The following LRP1B variants were observed in gnomAD, a reference collection of about 807,000 sequenced individuals.
The protein encoded by LRP1B is LDL receptor related protein 1B.
Under a neutral mutation model 556.6 loss-of-function variants are expected in LRP1B, and 217 were observed. The observed-to-expected ratio is 0.39, with a 90% confidence interval of 0.35 to 0.44. LRP1B has a LOEUF of 0.44. LRP1B is among the 20% of genes least tolerant of loss of function. LRP1B has a pLI of 1.00. For synonymous variants in LRP1B, 2,047 were observed against 1,865.8 expected, an observed-to-expected ratio of 1.10 and a Z score of -2.50; for missense variants, 5,053 against 5,620.8, an observed-to-expected ratio of 0.90 and a Z score of 3.23.
At chr2:140,663,896 T>G (rs974067894) in intron 41 of LRP1B, among the ~76,000 whole-genome samples, 2 of 152,010 alleles carry the variant, frequency 1.3e-5, no homozygotes, top group Non-Finnish European at 2.9e-5. Context: ...CTCTTTTCTC[T>G]TCTTTTTTTA....
intron 41 of LRP1B, among the ~76,000 whole-genome samples, chr2:140,629,538 G>A (rs80315482): frequency 6.6e-6 from 1 of 152,122 alleles, no homozygotes; most frequent in African/African-American, 2.4e-5. Context: ...ATTTTAAACT[G>A]CCTGAGTCCA....
chr2:141,106,559 T>C (rs916375504), intron 7 of LRP1B, among the ~76,000 whole-genome samples: 1 of 151,822 alleles, frequency 6.6e-6, no homozygotes, highest in Admixed American at 6.6e-5. Context: ...CTGGAATGCA[T>C]GCATATCCAA....
chr2:140,506,966 T>C, intron 52 of LRP1B, 48 bp from the exon 53 acceptor site: 2 of 1,583,140 alleles, frequency 1.3e-6, no homozygotes, highest in African/African-American at 1.4e-5. Context: ...ACATATGTTA[T>C]CTTCCCCTAT....
chr2:142,037,073 C>A (rs183061873), intron 1 of LRP1B, among the ~76,000 whole-genome samples: 2 of 151,614 alleles, frequency 1.3e-5, no homozygotes, highest in African/African-American at 4.8e-5. Flanking sequence ...TGATGGGCAT[C>A]AGACCTTTTC....
chr2:140,598,780 G>C lies in LRP1B; in HGVS notation c.7045C>G (p.Leu2349Val), dbSNP rs765730231. 1.7e-5 allele frequency: 27 copies of C among 1,612,386 alleles called. No individual in the cohort carries two copies. The East Asian group carries it at 6.0e-4, about 36-fold the overall frequency. Reference protein sequence around the residue: ...EQHPSIMRSTLTGKNAQVVVS... With the variant: ...EQHPSIMRSTVTGKNAQVVVS... ...ACCACTTGAGCATTTTTCCCAGTCA[G>C]AGTAGATCTCATGATACTTGGATGT... Residue 2349 changes from leucine (L) to valine (V), a missense_variant, in exon 43 of 91, where the codon CTG becomes GTG. This residue lies in a region of LRP1B where 3,619 missense variants were observed against 3,931.9 expected (regional missense o/e 0.92). Coordinates refer to ENST00000389484, the MANE Select transcript of LRP1B (RefSeq NM_018557.3).
In LRP1B at chr2:140,503,052, A is replaced by G. The variant is rs1689264051; in HGVS notation, c.8573T>C (p.Leu2858Pro). ...ATCACACTGCCATTGAGTATTTAGA[A>G]GACACCGCCCATCAGCACAACTAAA... Reference protein sequence around the residue: ...EEFSCADGRCLLNTQWQCDGD... With the variant: ...EEFSCADGRCPLNTQWQCDGD... The change falls in exon 54 of 91, where the codon CTT (leucine) becomes CCT (proline). Residue 2858 changes from leucine (L) to proline (P), a missense_variant. Leu to Pro is a moderately conservative substitution (Grantham distance 98). Around this residue, in one of 5 missense-constraint regions of LRP1B, gnomAD observed 3,619 missense variants for 3,931.9 expected, o/e 0.92. Coordinates refer to ENST00000389484, the MANE Select transcript of LRP1B (RefSeq NM_018557.3). 6.2e-7 allele frequency: 1 copy of G among 1,613,274 alleles called. No individual in the cohort carries two copies. The highest frequency in any genetic ancestry group is 8.5e-7 in the Non-Finnish European group (1 of 1,179,454).
chr2:140,708,878 C>T (rs1381415466), intron 37 of LRP1B, among the ~76,000 whole-genome samples: 10 of 151,958 alleles, frequency 6.6e-5, no homozygotes. Flanking sequence ...GACTTGCAAC[C>T]TATCTTACCA....
chr2:140,557,155 A>ATTTTTTTTT (rs1558966166), intron 43 of LRP1B, among the ~76,000 whole-genome samples: 1 of 152,126 alleles, frequency 6.6e-6, no homozygotes, highest in Non-Finnish European at 1.5e-5. Context: ...ATTTTTAACA[A>ATTTTTTTTT]TCACAATAAT....
chr2:140,979,278 C>T (rs994660343), intron 18 of LRP1B, among the ~76,000 whole-genome samples: 9 of 152,200 alleles, frequency 5.9e-5, no homozygotes, highest in South Asian at 2.1e-4. Context: ...CACACCTGGT[C>T]GTGAGAGCCT....
chr2:141,897,206 C>T (rs746126438), intron 1 of LRP1B, among the ~76,000 whole-genome samples: 1 of 151,882 alleles, frequency 6.6e-6, no homozygotes, highest in South Asian at 2.1e-4. Context: ...CAAAAAAAGA[C>T]ACACTGTAAA....
chr2:141,322,068 T>C (rs989587688), intron 3 of LRP1B, among the ~76,000 whole-genome samples: 1 of 152,080 alleles, frequency 6.6e-6, no homozygotes. Flanking sequence ...GTGACATTGA[T>C]TATTGATGCT....
chr2:141,230,644 G>A (rs1048199788), intron 5 of LRP1B, among the ~76,000 whole-genome samples: 16 of 151,866 alleles, frequency 1.1e-4, no homozygotes, highest in South Asian at 4.2e-4. Flanking sequence ...ACTCTTGTTC[G>A]TCTCACTCCA....
At chr2:140,642,087 G>A (rs909364372) in intron 41 of LRP1B, among the ~76,000 whole-genome samples, 1 of 152,114 alleles carries the variant, frequency 6.6e-6, no homozygotes, top group Non-Finnish European at 1.5e-5. Context: ...GAGGTTTCTG[G>A]GGCTGGTGAT....
chr2:141,136,470 A>G (rs1197057805), intron 7 of LRP1B, among the ~76,000 whole-genome samples: 1 of 151,760 alleles, frequency 6.6e-6, no homozygotes, highest in African/African-American at 2.4e-5. Flanking sequence ...CACATTTTTA[A>G]AAGACAGTTT....
At chr2:141,592,541 T>G (rs941296552) in intron 2 of LRP1B, among the ~76,000 whole-genome samples, 1 of 152,134 alleles carries the variant, frequency 6.6e-6, no homozygotes, top group Non-Finnish European at 1.5e-5. Context: ...ATATATGAAG[T>G]TGGGGGACAC....
At chr2:141,245,897 C>T (rs1443576961) in intron 5 of LRP1B, among the ~76,000 whole-genome samples, 2 of 151,886 alleles carry the variant, frequency 1.3e-5, no homozygotes, top group Non-Finnish European at 1.5e-5. Context: ...TCCATCCTGC[C>T]CTCCTTTCTT....
chr2:140,247,231 T>C, intron 86 of LRP1B, 69 bp from the exon 87 acceptor site: 1 of 1,060,898 alleles, frequency 9.4e-7, no homozygotes, highest in Non-Finnish European at 1.5e-6. Context: ...GCTAATGTAG[T>C]AACTTTAACC....
chr2:140,888,084 G>C (rs571663772), intron 23 of LRP1B, among the ~76,000 whole-genome samples: 2 of 152,014 alleles, frequency 1.3e-5, no homozygotes, highest in Non-Finnish European at 2.9e-5. Context: ...AACTTGTAAA[G>C]GGCATAAAAC....
chr2:140,455,662 C>A (rs1447212035), intron 62 of LRP1B, among the ~76,000 whole-genome samples: 1 of 152,122 alleles, frequency 6.6e-6, no homozygotes, highest in Non-Finnish European at 1.5e-5. Flanking sequence ...GCAAGCTGAG[C>A]TAAATTTAGC....
Sources: gnomAD v4.1 joint callset for allele counts (sites outside exome capture counted in the v4.1 genomes callset) on GRCh38, gnomAD v4.1.1 for gene constraint, gnomAD v4.1.1 regional missense constraint, MANE v1.5 for transcripts, NCBI Gene and HGNC (gene_info 2026-07-23, HGNC 2026-07-21) for gene names.